Variants in PRKCA observed in about 807,000 individuals in gnomAD.
The protein encoded by PRKCA is protein kinase C alpha type.
Under a neutral mutation model 87.0 loss-of-function variants are expected in PRKCA, and 27 were observed. That is an observed-to-expected ratio of 0.31 (90% confidence interval 0.23 to 0.43). The LOEUF (loss-of-function observed/expected upper bound fraction) is 0.43, where lower values mean the gene tolerates loss of function less well. Ranked by LOEUF, PRKCA falls within the 20% of genes least tolerant of loss-of-function variation. The pLI, the probability that PRKCA is intolerant of heterozygous loss-of-function variation, is 1.00. For missense variants in PRKCA, 518 were observed against 852.3 expected (o/e 0.61, Z 4.88); for synonymous variants, 329 against 311.1 (o/e 1.06, Z -0.61).
chr17:66,751,933 G>A (rs1974439152), intron 13 of PRKCA, among the ~76,000 whole-genome samples: 1 of 152,218 alleles, frequency 6.6e-6, no homozygotes, highest in Non-Finnish European at 1.5e-5. Flanking sequence ...CACGAGAATA[G>A]CACTAGGCGG....
At chr17:66,338,361 T>C (rs1264482466) in intron 2 of PRKCA, among the ~76,000 whole-genome samples, 1 of 152,086 alleles carries the variant, frequency 6.6e-6, no homozygotes, top group Non-Finnish European at 1.5e-5. Context: ...AAACCCCCAC[T>C]TTGGCTCTGA....
At chr17:66,556,716 CT>C (rs1359153828) in intron 3 of PRKCA, among the ~76,000 whole-genome samples, 1 of 152,166 alleles carries the variant, frequency 6.6e-6, no homozygotes, top group Non-Finnish European at 1.5e-5. Flanking sequence ...GGGCTTCCCC[CT>C]TTGCTCAGCT....
At chr17:66,436,991 T>C (rs562088672) in intron 2 of PRKCA, among the ~76,000 whole-genome samples, 1 of 152,266 alleles carries the variant, frequency 6.6e-6, no homozygotes, top group South Asian at 2.1e-4. Context: ...CCAGAGTTTA[T>C]GGGATATGGG....
chr17:66,658,340 G>A (rs535740917), intron 5 of PRKCA, among the ~76,000 whole-genome samples: 2 of 152,142 alleles, frequency 1.3e-5, no homozygotes, highest in Non-Finnish European at 2.9e-5. Flanking sequence ...AATTAGCTGG[G>A]CATGGTGGCA....
rs540071148 is a variant in PRKCA, at chr17:66,706,449, C to T, written c.918+17402C>T. Among the ~76,000 whole-genome samples, 144 of 149,810 alleles carry T rather than the reference C, an allele frequency of 9.6e-4. 1 individual carries two copies. The highest frequency in any genetic ancestry group is 6.8e-3 in the Middle Eastern group (2 of 294). On this transcript the variant is annotated intron_variant, in intron 8 of 16. Coordinates refer to ENST00000413366, the MANE Select transcript of PRKCA (RefSeq NM_002737.3). Reference sequence around the variant, plus strand: ...AGGAGATCGAGACCATCCTGGCTAACACGGTGAAACCCCGTCTCTACTAAA... The same window carrying T: ...AGGAGATCGAGACCATCCTGGCTAATACGGTGAAACCCCGTCTCTACTAAA...
chr17:66,510,754 AT>A (rs149292117), intron 3 of PRKCA, among the ~76,000 whole-genome samples: 4,537 of 151,212 alleles, frequency 0.03, 227 homozygotes, highest in African/African-American at 0.1. Flanking sequence ...TAATTTTATT[AT>A]TTTTTTTTGA....
At chr17:66,762,411 A>C (rs1701275697) in intron 13 of PRKCA, among the ~76,000 whole-genome samples, 1 of 152,188 alleles carries the variant, frequency 6.6e-6, no homozygotes, top group Non-Finnish European at 1.5e-5. Flanking sequence ...CCAAGATCAC[A>C]GCTGAGGAAA....
chr17:66,683,121 C>T (rs1202314318), intron 5 of PRKCA, among the ~76,000 whole-genome samples: 1 of 152,164 alleles, frequency 6.6e-6, no homozygotes, highest in Non-Finnish European at 1.5e-5. Flanking sequence ...AGCTAAGAGA[C>T]AGAAGATCTC....
At chr17:66,751,796 G>GT (rs1334817015) in intron 13 of PRKCA, among the ~76,000 whole-genome samples, 1 of 152,122 alleles carries the variant, frequency 6.6e-6, no homozygotes, top group Non-Finnish European at 1.5e-5. Flanking sequence ...GCATGGCTAG[G>GT]GGGGGTCTCA....
intron 3 of PRKCA, among the ~76,000 whole-genome samples, chr17:66,590,331 G>A (rs773886571): frequency 2.0e-5 from 3 of 152,126 alleles, no homozygotes; most frequent in Non-Finnish European, 2.9e-5. Flanking sequence ...TCTGAGGTGA[G>A]CCACAAAACC....
intron 3 of PRKCA, among the ~76,000 whole-genome samples, chr17:66,543,252 T>C (rs944523015): frequency 1.3e-5 from 2 of 152,176 alleles, no homozygotes; most frequent in African/African-American, 4.8e-5. Flanking sequence ...CCATTATAGT[T>C]CAAGTATATT....
intron 2 of PRKCA, among the ~76,000 whole-genome samples, chr17:66,310,947 A>G (rs1479687084): frequency 1.3e-5 from 2 of 152,142 alleles, no homozygotes; most frequent in Non-Finnish European, 2.9e-5. Context: ...TGTCCTCCCT[A>G]TGGCCAACTT....
At chr17:66,347,176 C>A (rs1907432667) in intron 2 of PRKCA, among the ~76,000 whole-genome samples, 1 of 152,070 alleles carries the variant, frequency 6.6e-6, no homozygotes, top group Non-Finnish European at 1.5e-5. Context: ...TCCCTTTATA[C>A]AGTTACACAA....
chr17:66,629,044 A>C (rs1311743272), intron 3 of PRKCA, among the ~76,000 whole-genome samples: 3 of 151,932 alleles, frequency 2.0e-5, no homozygotes, highest in Non-Finnish European at 2.9e-5. Flanking sequence ...ACAAAAAAAG[A>C]AAATAAAATT....
chr17:66,802,605 G>T (rs1411060676), intron 16 of PRKCA, among the ~76,000 whole-genome samples: 1 of 152,086 alleles, frequency 6.6e-6, no homozygotes, highest in Non-Finnish European at 1.5e-5. Flanking sequence ...AGCACAGCCC[G>T]TGAGACTCAA....
intron 2 of PRKCA, among the ~76,000 whole-genome samples, chr17:66,365,369 G>A (rs1908649581): frequency 6.6e-6 from 1 of 152,154 alleles, no homozygotes; most frequent in Admixed American, 6.5e-5. Context: ...GCTTAAGTAG[G>A]AGGAAGAAAA....
chr17:66,726,741 TC>T (rs35877845), intron 8 of PRKCA, among the ~76,000 whole-genome samples: 6 of 151,500 alleles, frequency 4.0e-5, no homozygotes, highest in Non-Finnish European at 8.8e-5. Flanking sequence ...TTTTTTTTTT[TC>T]GAGACAGGGT....
At position 66,794,633 on chromosome 17, in the gene PRKCA, T is replaced by G. The variant is rs371295189; in HGVS notation, c.1854+5654T>G. ...TTGGGGGGGGTTTTTTGTTTTTTTT[T>G]TTTTTGAGACGGAGTTTCGCTCTAT... On this transcript the variant is annotated intron_variant, in intron 16 of 16. Transcript: ENST00000413366. Among the ~76,000 whole-genome samples, 18 of 150,976 alleles carry G rather than the reference T, an allele frequency of 1.2e-4. No individual in the cohort carries two copies. The South Asian group carries it at 1.5e-3, about 12-fold the overall frequency.
chr17:66,756,952 C>T (rs1974562717), intron 13 of PRKCA, among the ~76,000 whole-genome samples: 1 of 152,162 alleles, frequency 6.6e-6, no homozygotes, highest in African/African-American at 2.4e-5. Flanking sequence ...CGTGAGCCAC[C>T]GTGCCTGGCC....
Sources: allele counts gnomAD v4.1 joint callset (sites outside exome capture counted in the v4.1 genomes callset), GRCh38; gene constraint gnomAD v4.1.1; transcripts MANE v1.5; gene names NCBI Gene and HGNC (gene_info 2026-07-23, HGNC 2026-07-21).